Variants in SLC7A10 observed in about 807,000 individuals in gnomAD.
The protein encoded by SLC7A10 is solute carrier family 7 member 10, also known as asc-type amino acid transporter 1.
A neutral mutation model predicts 52.7 loss-of-function variants in SLC7A10; 30 were observed. The observed-to-expected ratio is 0.57, with a 90% CI of 0.43 to 0.77. The LOEUF is 0.77. SLC7A10 is among the 30% of genes least tolerant of loss of function. The pLI, the probability that SLC7A10 is intolerant of heterozygous loss-of-function variation, is 0.00. For missense variants in SLC7A10, 581 were observed against 698.5 expected (o/e 0.83, Z 1.90); for synonymous variants, 318 against 314.9 (o/e 1.01, Z -0.10).
At chr19:33,221,819 G>T (rs1357760720) in intron 1 of SLC7A10, among the ~76,000 whole-genome samples, 1 of 152,200 alleles carries the variant, frequency 6.6e-6, no homozygotes, top group South Asian at 2.1e-4. Context: ...GGAAGGGCCT[G>T]GTCAGCAGAC....
intron 2 of SLC7A10, among the ~76,000 whole-genome samples, chr19:33,215,369 G>A (rs1281193415): frequency 6.6e-6 from 1 of 151,802 alleles, no homozygotes; most frequent in African/African-American, 2.4e-5. Flanking sequence ...CCAAAATTGA[G>A]GCCCCTCCTC....
chr19:33,212,100 C>T (rs1974566300), intron 5 of SLC7A10, 192 bp downstream of exon 5: 5 of 740,232 alleles, frequency 6.8e-6, no homozygotes, highest in African/African-American at 1.8e-5. Flanking sequence ...GTGTCCATAG[C>T]CAGAGAGAAC....
At chr19:33,222,217 G>C (rs1029459494) in intron 1 of SLC7A10, among the ~76,000 whole-genome samples, 2 of 151,806 alleles carry the variant, frequency 1.3e-5, no homozygotes, top group African/African-American at 2.4e-5. Flanking sequence ...TGGGCAACAT[G>C]GCAAAACCCA....
rs1177274756 is a variant in SLC7A10, at chr19:33,225,755, G to A, written c.-52C>T. On this transcript the variant is annotated 5_prime_UTR_variant, in exon 1 of 11. Coordinates refer to ENST00000253188, the MANE Select transcript of SLC7A10 (RefSeq NM_019849.3). Reference sequence around the variant, plus strand: ...CCTGCGCTGCCCCGTCTGTCCGGCCGGCCGCCCGTCGGTCCGTCGGTCCGT... The same window carrying A: ...CCTGCGCTGCCCCGTCTGTCCGGCCAGCCGCCCGTCGGTCCGTCGGTCCGT... 4 of 1,451,056 alleles carry A rather than the reference G, an allele frequency of 2.8e-6. No individual in the cohort carries two copies. The highest frequency in any genetic ancestry group is 1.5e-5 in the African/African-American group (1 of 67,092). 89.9% of individuals were successfully genotyped at this position (1,451,056 alleles called of 1,614,324 possible). A position where few individuals can be genotyped will look rare whatever the true frequency, so the allele number is the denominator to read the frequency against.
chr19:33,222,978 A>G (rs1463097964), intron 1 of SLC7A10, among the ~76,000 whole-genome samples: 1 of 152,242 alleles, frequency 6.6e-6, no homozygotes, highest in Non-Finnish European at 1.5e-5. Context: ...TGGAAATAAC[A>G]TGTTCAATAA....
intron 1 of SLC7A10, among the ~76,000 whole-genome samples, chr19:33,223,641 C>T (rs1480264313): frequency 6.6e-6 from 1 of 152,120 alleles, no homozygotes; most frequent in East Asian, 1.9e-4. Context: ...CTGCTGTAAT[C>T]CTCAAAGGCT....
At position 33,212,571 on chromosome 19, in the gene SLC7A10, C is replaced by G. The variant is rs934363025; in HGVS notation, c.577G>C (p.Gly193Arg). Residue 193 changes from glycine to arginine, a missense_variant, in exon 4 of 11, where the codon GGG (glycine) becomes CGG (arginine). By Grantham distance (125) the Gly-to-Arg change is moderately radical. Transcript: ENST00000253188. ...ATRIQDMFTG[G>R]KLLALSLIIG... ...ATGAGGGACAAGGCCAGCAGCTTCC[C>G]GCCTGTGAACATGTCCTGGATGCGC... 6.2e-7 allele frequency: 1 copy of G among 1,614,032 alleles called. No individual in the cohort carries two copies.
At position 33,212,552 on chromosome 19, in the gene SLC7A10, G is replaced by C; in HGVS notation, c.596C>G (p.Ser199Cys). Residue 199 changes from serine to cysteine, a missense_variant, in exon 4 of 11, where the codon TCC (serine) becomes TGC (cysteine). Physicochemically the swap from Ser to Cys is moderately radical, Grantham distance 112. Coordinates refer to ENST00000253188, the MANE Select transcript of SLC7A10 (RefSeq NM_019849.3). ...MFTGGKLLAL[S>C]LIIGVGLLQI... ...GAGAAGGCCCACGCCGATGATGAGGGACAAGGCCAGCAGCTTCCCGCCTGT... is the reference window on the plus strand; with the variant it reads ...GAGAAGGCCCACGCCGATGATGAGGCACAAGGCCAGCAGCTTCCCGCCTGT... The C allele has an allele frequency of 4.3e-6, 7 of 1,614,028 alleles. No homozygotes were observed. Among genetic ancestry groups the C allele is most frequent in the Non-Finnish European group, 5.9e-6 (7 of 1,180,046 alleles).
Position 33,225,790 on chromosome 19 carries a change from G to C in SLC7A10, c.-87C>G, listed in dbSNP as rs1273706564. ...CGGTCCGTCGGTCCGTGAGCTCACG[G>C]CCCTCGCAGCCGGGACAGCGCCCAC... On this transcript the variant is annotated 5_prime_UTR_variant, in exon 1 of 11. Coordinates refer to ENST00000253188, the MANE Select transcript of SLC7A10 (RefSeq NM_019849.3). The C allele has an allele frequency of 7.4e-7, 1 of 1,353,332 alleles. No individual in the cohort carries two copies. The highest frequency in any genetic ancestry group is 9.5e-7 in the Non-Finnish European group (1 of 1,050,570). The allele number at this position is 1,353,332 out of a possible 1,614,324, so 83.8% of individuals were successfully genotyped here.
At chr19:33,224,380 C>A (rs890529836) in intron 1 of SLC7A10, among the ~76,000 whole-genome samples, 1 of 152,060 alleles carries the variant, frequency 6.6e-6, no homozygotes, top group Non-Finnish European at 1.5e-5. Context: ...AGACAGCATT[C>A]TAAGGGGAGG....
intron 2 of SLC7A10, among the ~76,000 whole-genome samples, chr19:33,215,129 G>A (rs4407170): frequency 0.37 from 55,883 of 151,750 alleles, 13,504 homozygotes; most frequent in Non-Finnish European, 0.54. Flanking sequence ...TTAGCCAGGC[G>A]TGGTGGCGGG....
rs149728769 is a variant in SLC7A10, at chr19:33,211,086, T to C, written c.1016+139A>G. The C allele has an allele frequency of 2.3e-3, 2,258 of 985,418 alleles. 34 individuals are homozygous for C. Among genetic ancestry groups the C allele is most frequent in the South Asian group, 0.02 (1,509 of 74,564 alleles). 61.0% of individuals were successfully genotyped at this position (985,418 alleles called of 1,614,324 possible). A position where few individuals can be genotyped will look rare whatever the true frequency, so the allele number is the denominator to read the frequency against. ...CTCCCAGTTGTGATCAGACACTTGT[T>C]ACCGTGTGGGATCATCATCCCAGCT... On this transcript the variant is annotated intron_variant, in intron 7 of 10. Coordinates refer to ENST00000253188, the MANE Select transcript of SLC7A10 (RefSeq NM_019849.3).
intron 1 of SLC7A10, among the ~76,000 whole-genome samples, chr19:33,218,696 T>TCTTTCTTTCTTTCTC (rs1599956014): frequency 1.4e-5 from 1 of 73,974 alleles, no homozygotes; most frequent in Non-Finnish European, 4.4e-5. Flanking sequence ...TTTTTTTTTT[T>TCTTTCTTTCTTTCTC]TAGTAGAGAT....
At chr19:33,217,241 G>A (rs1974707196) in intron 1 of SLC7A10, among the ~76,000 whole-genome samples, 1 of 151,226 alleles carries the variant, frequency 6.6e-6, no homozygotes, top group Non-Finnish European at 1.5e-5. Flanking sequence ...TCGAACTCCT[G>A]GGCTCAATTG....
In SLC7A10 at chr19:33,209,494, G is replaced by T. The variant is rs564899232; in HGVS notation, c.1264-9C>A. ...GGGATGAGAAGGTTCACCTGGGGAA[G>T]GGGGAGCAGAAACACCGATGGTGCA... On this transcript the variant is annotated splice_polypyrimidine_tract_variant and intron_variant, in intron 9 of 10. Transcript: ENST00000253188. 3.5e-5 allele frequency: 56 copies of T among 1,613,452 alleles called. No individual in the cohort carries two copies. The highest frequency in any genetic ancestry group is 4.6e-5 in the Non-Finnish European group (54 of 1,179,920).
chr19:33,215,440 A>G (rs1974650846), intron 2 of SLC7A10, among the ~76,000 whole-genome samples: 1 of 152,040 alleles, frequency 6.6e-6, no homozygotes, highest in Non-Finnish European at 1.5e-5. Flanking sequence ...CCTTAAGTAC[A>G]AGGCAGGGGG....
rs777783332 is a variant in SLC7A10, at chr19:33,210,630, TG to T, written c.1114-15del. On this transcript the variant is annotated splice_polypyrimidine_tract_variant and intron_variant, in intron 8 of 10. Transcript: ENST00000253188. The surrounding 1 kb of genome is among the most constrained non-coding windows in gnomAD (Gnocchi z 5.6). ...TGTGGCCCCGCACTGGGAGAGGACC[TG>T]GGGCTGACGGCTGGCCCCTAGCCTG... 11 of 1,610,774 alleles carry T rather than the reference TG, an allele frequency of 6.8e-6. No individual in the cohort carries two copies. In the South Asian group the frequency reaches 1.2e-4, roughly 18 times the overall value.
chr19:33,211,729 C>T (rs761021147), intron 5 of SLC7A10, 192 bp from the exon 6 acceptor site: 35 of 1,068,386 alleles, frequency 3.3e-5, no homozygotes, highest in Admixed American at 9.7e-5. Context: ...CACCTGGACA[C>T]AGGCTGGTAG....
chr19:33,212,715 G>A (rs554390877), intron 3 of SLC7A10, 76 bp from the exon 4 acceptor site: 17 of 1,611,250 alleles, frequency 1.1e-5, no homozygotes, highest in East Asian at 8.9e-5. Flanking sequence ...CAGCCCAGGC[G>A]GCCCGAGAAT....
Sources: gnomAD v4.1 joint callset for allele counts (sites outside exome capture counted in the v4.1 genomes callset) on GRCh38, gnomAD v4.1.1 for gene constraint, Gnocchi (gnomAD v3.1) non-coding constraint, MANE v1.5 for transcripts, NCBI Gene and HGNC (gene_info 2026-07-23, HGNC 2026-07-21) for gene names.